WDFY4: variants seen among roughly 807,000 people sequenced by gnomAD.
The protein encoded by WDFY4 is WD repeat- and FYVE domain-containing protein 4.
A neutral mutation model predicts 351.9 loss-of-function variants in WDFY4; 169 were observed. That is an observed-to-expected ratio of 0.48 (90% CI 0.42 to 0.55). The LOEUF is 0.55. Among genes scored for constraint, WDFY4 ranks in the 20% least tolerant of loss-of-function variants. The probability of loss-of-function intolerance (pLI) is 0.00; values close to 1 mark genes in which losing one functional copy is unlikely to be tolerated. For missense variants in WDFY4, 3,803 were observed against 3,935.6 expected (o/e 0.97, Z 0.90); for synonymous variants, 1,622 against 1,574.6 (o/e 1.03, Z -0.71).
chr10:48,800,730 C>CTTTT lies in WDFY4; in HGVS notation c.4411-2544_4411-2541dup, dbSNP rs57288777. Among the ~76,000 whole-genome samples, 194 of 92,744 alleles carry CTTTT rather than the reference C, an allele frequency of 2.1e-3. 2 individuals carry two copies. The highest frequency in any genetic ancestry group is 3.9e-3 in the African/African-American group (83 of 21,136). 60.8% of individuals were successfully genotyped at this position (92,744 alleles called of 152,430 possible). The stretch of plus-strand genomic sequence containing the variant: ...TCTTTCTTTCTTTCTTTCATTCTTT[C>CTTTT]TTTTTTTTTTTTTTTGTTTTGAGAT... On this transcript the variant is annotated intron_variant, in intron 24 of 61. Transcript: ENST00000325239.
At chr10:48,921,394 A>G (rs1839063452) in intron 47 of WDFY4, among the ~76,000 whole-genome samples, 1 of 152,212 alleles carries the variant, frequency 6.6e-6, no homozygotes, top group Non-Finnish European at 1.5e-5. Flanking sequence ...TTAACAAACG[A>G]TGTTGAAATT....
Position 48,709,754 on chromosome 10 carries a change from A to C in WDFY4, c.22A>C (p.Lys8Gln). The C allele has an allele frequency of 6.4e-7, 1 of 1,552,058 alleles. No homozygotes were observed. Among genetic ancestry groups the C allele is most frequent in the Admixed American group, 2.0e-5 (1 of 51,020 alleles). The change falls in exon 2 of 62, where the codon AAG becomes CAG. Residue 8 changes from lysine to glutamine, a missense_variant. Coordinates refer to ENST00000325239, the MANE Select transcript of WDFY4 (RefSeq NM_001394531.1). ...CGGCATGGAGGCAGAAGATCTTTCA[A>C]AGGCTGAAGACAGAAATGAAGACCC... MEAEDLSKAEDRNEDPGS... is the reference protein window; with the variant it reads MEAEDLSQAEDRNEDPGS...
At chr10:48,932,929 G>T (rs1023597022) in intron 47 of WDFY4, among the ~76,000 whole-genome samples, 17 of 152,128 alleles carry the variant, frequency 1.1e-4, no homozygotes, top group Non-Finnish European at 5.9e-5. Flanking sequence ...AAGGAGGGGA[G>T]GGCGAAGAGC....
rs1223987091 is a variant in WDFY4, at chr10:48,954,588, CTT to C, written c.7978-2539_7978-2538del. Among the ~76,000 whole-genome samples the C allele has an allele frequency of 2.0e-5, 3 of 152,194 alleles. No individual in the cohort carries two copies. In the East Asian group the frequency reaches 5.8e-4, roughly 29 times the overall value. ...TTCTTGCCCCATTTTTCCCTCTTCT[CTT>C]TCTTTCCTCCTTCCTTCCTTTCGGA... On this transcript the variant is annotated intron_variant, in intron 51 of 61. Coordinates refer to ENST00000325239, the MANE Select transcript of WDFY4 (RefSeq NM_001394531.1).
intron 1 of WDFY4, among the ~76,000 whole-genome samples, chr10:48,705,587 C>T (rs1041937406): frequency 2.6e-5 from 4 of 152,118 alleles, no homozygotes; most frequent in East Asian, 1.9e-4. Context: ...AGGTGTGGCA[C>T]GATCAGCAGA....
chr10:48,715,123 T>A (rs1240742875), intron 2 of WDFY4, among the ~76,000 whole-genome samples: 1 of 152,262 alleles, frequency 6.6e-6, no homozygotes, highest in Non-Finnish European at 1.5e-5. Context: ...ACCTTGAGGC[T>A]GCACTTGCTG....
In WDFY4 at chr10:48,822,269, G is replaced by A. The variant is rs140579619; in HGVS notation, c.5825-111G>A. 1.8e-4 allele frequency: 219 copies of A among 1,194,908 alleles called. No individual in the cohort carries two copies. The East Asian group carries it at 5.2e-3, about 28-fold the overall frequency. The allele number at this position is 1,194,908 out of a possible 1,614,324, so 74.0% of individuals were successfully genotyped here. ...TACAAGACTCCATCTTTGGAACCATGGGGTACACAGAGGTGAATAAGATGC... is the reference window on the plus strand; with the variant it reads ...TACAAGACTCCATCTTTGGAACCATAGGGTACACAGAGGTGAATAAGATGC... On this transcript the variant is annotated intron_variant, in intron 34 of 61. Transcript: ENST00000325239.
At chr10:48,686,814 C>T (rs1266309372) in intron 1 of WDFY4, among the ~76,000 whole-genome samples, 1 of 152,016 alleles carries the variant, frequency 6.6e-6, no homozygotes, top group Non-Finnish European at 1.5e-5. Context: ...ATAAGCAGTG[C>T]CGCTAGAACT....
At position 48,815,251 on chromosome 10, in the gene WDFY4, C is replaced by G. The variant is rs1475068856; in HGVS notation, c.5340+1169C>G. On this transcript the variant is annotated intron_variant, in intron 31 of 61. Coordinates refer to ENST00000325239, the MANE Select transcript of WDFY4 (RefSeq NM_001394531.1). ...TCACAGCCTCAACATCATGGCCAAA[C>G]TGATGATGGCTTCATAGTTGAGTTC... Among the ~76,000 whole-genome samples the G allele has an allele frequency of 2.6e-5, 4 of 152,356 alleles. No homozygotes were observed. The East Asian group carries it at 7.7e-4, about 29-fold the overall frequency.
At chr10:48,919,554 G>T (rs1258199209) in intron 47 of WDFY4, among the ~76,000 whole-genome samples, 1 of 152,208 alleles carries the variant, frequency 6.6e-6, no homozygotes, top group Non-Finnish European at 1.5e-5. Context: ...CTGTTCCAGA[G>T]GCTGGGAAGT....
chr10:48,706,783 G>A (rs2063642621), intron 1 of WDFY4, among the ~76,000 whole-genome samples: 1 of 152,240 alleles, frequency 6.6e-6, no homozygotes. Flanking sequence ...ACTTAGACAT[G>A]AGGATTGTCA....
rs368937349 is a variant in WDFY4, at chr10:48,896,359, T to C, written c.7317-1095T>C. Among the ~76,000 whole-genome samples, 214 of 152,306 alleles carry C rather than the reference T, an allele frequency of 1.4e-3. 2 individuals are homozygous for C. Among genetic ancestry groups the C allele is most frequent in the African/African-American group, 4.8e-3 (200 of 41,572 alleles). Reference sequence around the variant, plus strand: ...AGGGTAGGAAGGAGAATTACCACTATGGCCCCACTGGGAGTCAGAGATGTT... The same window carrying C: ...AGGGTAGGAAGGAGAATTACCACTACGGCCCCACTGGGAGTCAGAGATGTT... On this transcript the variant is annotated intron_variant, in intron 44 of 61. Coordinates refer to ENST00000325239, the MANE Select transcript of WDFY4 (RefSeq NM_001394531.1).
Position 48,806,115 on chromosome 10 carries a change from T to C in WDFY4, c.4738+20T>C, listed in dbSNP as rs996573089. 6.4e-6 allele frequency: 10 copies of C among 1,550,844 alleles called. No individual in the cohort carries two copies. The African/African-American group carries it at 1.2e-4, about 19-fold the overall frequency. The stretch of plus-strand genomic sequence containing the variant: ...TGCCTGGTGAGAAGACCTTTGCCAG[T>C]TCGAAGGCAGTAGGACGGCCCTCAC... On this transcript the variant is annotated intron_variant, in intron 27 of 61. Transcript: ENST00000325239.
At chr10:48,723,807 A>G (rs560164957) in intron 5 of WDFY4, among the ~76,000 whole-genome samples, 1 of 152,240 alleles carries the variant, frequency 6.6e-6, no homozygotes, top group South Asian at 2.1e-4. Context: ...CCATGGCCTC[A>G]CATGGGTCAC....
chr10:48,820,875 G>A (rs1265503601), intron 33 of WDFY4, among the ~76,000 whole-genome samples, 187 bp from the exon 34 acceptor site: 1 of 152,166 alleles, frequency 6.6e-6, no homozygotes, highest in African/African-American at 2.4e-5. Context: ...CCTCGGAAGT[G>A]GGCGTTGCTT....
At chr10:48,697,200 G>A (rs750573099) in intron 1 of WDFY4, among the ~76,000 whole-genome samples, 4 of 152,228 alleles carry the variant, frequency 2.6e-5, no homozygotes, top group Non-Finnish European at 5.9e-5. Context: ...GGTAACTTAG[G>A]AGCTAATGTC....
At chr10:48,764,602 A>G (rs1173299129) in intron 13 of WDFY4, among the ~76,000 whole-genome samples, 1 of 152,228 alleles carries the variant, frequency 6.6e-6, no homozygotes, top group African/African-American at 2.4e-5. Context: ...CTTGAGGGCT[A>G]CGGCTTCTAA....
chr10:48,772,711 C>T (rs553742370), intron 13 of WDFY4, among the ~76,000 whole-genome samples: 4 of 147,934 alleles, frequency 2.7e-5, no homozygotes, highest in Admixed American at 6.7e-5. Context: ...CCCACCCCAC[C>T]ACAGTCCCCA....
At chr10:48,686,961 T>A (rs924501100) in intron 1 of WDFY4, among the ~76,000 whole-genome samples, 3 of 152,216 alleles carry the variant, frequency 2.0e-5, no homozygotes, top group African/African-American at 7.2e-5. Flanking sequence ...CCAAAGTTTT[T>A]GCCTCATTTT....
Sources: gnomAD v4.1 joint callset for allele counts (sites outside exome capture counted in the v4.1 genomes callset) on GRCh38, gnomAD v4.1.1 for gene constraint, MANE v1.5 for transcripts, NCBI Gene and HGNC (gene_info 2026-07-23, HGNC 2026-07-21) for gene names.